Variants in HIBCH observed in about 807,000 individuals in gnomAD.
HIBCH encodes 3-hydroxyisobutyryl-CoA hydrolase, mitochondrial.
In HIBCH, 50 loss-of-function variants were observed where a neutral mutation model predicts 58.2. The observed-to-expected ratio is 0.86, with a 90% CI of 0.68 to 1.09. HIBCH has a LOEUF of 1.09. Among genes scored for constraint, HIBCH ranks in the 50% least tolerant of loss-of-function variants. The pLI, the probability that HIBCH is intolerant of heterozygous loss-of-function variation, is 0.00. For missense variants in HIBCH, 450 were observed against 449.7 expected (o/e 1.00, Z -0.01); for synonymous variants, 151 against 146.9 (o/e 1.03, Z -0.20).
At position 190,244,744 on chromosome 2, in the gene HIBCH, AAGC is replaced by A; in HGVS notation, c.891+140_891+142del. 8.1e-6 allele frequency: 6 copies of A among 744,866 alleles called. 1 individual carries two copies. Among genetic ancestry groups the A allele is most frequent in the South Asian group, 7.3e-5 (5 of 68,954 alleles). 46.1% of individuals were successfully genotyped at this position (744,866 alleles called of 1,614,324 possible). ...TCAGGGTTAGTGGAACTGATTTCTGAAGCTCACCTAAATTTGGGAAAAAAGAAA... is the reference window on the plus strand; with the variant it reads ...TCAGGGTTAGTGGAACTGATTTCTGATCACCTAAATTTGGGAAAAAAGAAA... On this transcript the variant is annotated intron_variant, in intron 11 of 13. Transcript: ENST00000359678.
chr2:190,199,886 C>T (rs747355203), downstream of HIBCH: 1 of 1,613,846 alleles, frequency 6.2e-7, no homozygotes, highest in South Asian at 1.1e-5. Context: ...TCAAAGCAAA[C>T]TTTCCCATTT....
Position 190,211,505 on chromosome 2 carries a change from A to G in HIBCH, c.1011+1451T>C, listed in dbSNP as rs1410704460. Among the ~76,000 whole-genome samples, 1 of 152,168 alleles carries G rather than the reference A, an allele frequency of 6.6e-6. No homozygotes were observed. Among genetic ancestry groups the G allele is most frequent in the African/African-American group, 2.4e-5 (1 of 41,442 alleles). On this transcript the variant is annotated intron_variant, in intron 12 of 13. Transcript: ENST00000359678. The surrounding 1 kb of genome is among the most constrained non-coding windows in gnomAD (Gnocchi z 5.0). ...TTCCTTCTTAAAGCAAATTGAACCGAATGAAATGAAAAATCAAATCACCTC... is the reference window on the plus strand; with the variant it reads ...TTCCTTCTTAAAGCAAATTGAACCGGATGAAATGAAAAATCAAATCACCTC...
intron 11 of HIBCH, among the ~76,000 whole-genome samples, chr2:190,235,017 C>T (rs1187140654): frequency 3.3e-5 from 5 of 152,122 alleles, no homozygotes; most frequent in Non-Finnish European, 5.9e-5. Context: ...ACTGTTACTA[C>T]TTGAGACTGT....
rs139398504 is a variant in HIBCH at position 190,298,225 on chromosome 2, T to C, written c.79-1272A>G. Among the ~76,000 whole-genome samples the C allele has an allele frequency of 4.1e-4, 63 of 152,302 alleles. 1 individual carries two copies. The East Asian group carries it at 0.011, about 27-fold the overall frequency. ...GTGCTGCAATAAACATATGTGTACA[T>C]GTGCCTTTCTAGTAGAATGACTTAC... is the stretch of plus-strand genomic sequence containing the variant. On this transcript the variant is annotated intron_variant, in intron 2 of 13. Coordinates refer to ENST00000359678, the MANE Select transcript of HIBCH (RefSeq NM_014362.4).
chr2:190,265,232 T>C (rs906340309), intron 6 of HIBCH, among the ~76,000 whole-genome samples: 1 of 151,896 alleles, frequency 6.6e-6, no homozygotes, highest in Admixed American at 6.6e-5. Context: ...TAGCTGTATA[T>C]GAGTTTGCTG....
chr2:190,287,706 A>C (rs992971465), intron 5 of HIBCH, 68 bp from the exon 6 acceptor site: 62 of 1,186,318 alleles, frequency 5.2e-5, no homozygotes, highest in East Asian at 7.3e-5. Flanking sequence ...TTAAAAAAAA[A>C]CCCACATTAT....
In HIBCH at chr2:190,241,452, T is replaced by A. The variant is rs182008611; in HGVS notation, c.891+3435A>T. On this transcript the variant is annotated intron_variant, in intron 11 of 13. Coordinates refer to ENST00000359678, the MANE Select transcript of HIBCH (RefSeq NM_014362.4). ...AGTCTGTGTCTTTTAATTGGTGCATTTAGCCCATTTACATTTAAGGTTAAT... is the reference window on the plus strand; with the variant it reads ...AGTCTGTGTCTTTTAATTGGTGCATATAGCCCATTTACATTTAAGGTTAAT... Among the ~76,000 whole-genome samples the A allele has an allele frequency of 1.3e-3, 191 of 152,362 alleles. 1 individual carries two copies. Among genetic ancestry groups the A allele is most frequent in the South Asian group, 8.5e-3 (41 of 4,822 alleles).
intron 7 of HIBCH, among the ~76,000 whole-genome samples, chr2:190,255,652 A>C (rs1371579777): frequency 6.6e-6 from 1 of 152,222 alleles, no homozygotes; most frequent in Non-Finnish European, 1.5e-5. Flanking sequence ...CTCCAACTTC[A>C]TGCCTTGAGT....
rs569222264 is a variant in HIBCH at position 190,296,149 on chromosome 2, G to A, written c.219+664C>T. On this transcript the variant is annotated intron_variant, in intron 3 of 13. Coordinates refer to ENST00000359678, the MANE Select transcript of HIBCH (RefSeq NM_014362.4). ...TAAAAGCAGCTGTCTGGCCGGGTGCGGTGGCTCACGCCTGTAATCCCAGCA... is the reference window on the plus strand; with the variant it reads ...TAAAAGCAGCTGTCTGGCCGGGTGCAGTGGCTCACGCCTGTAATCCCAGCA... Among the ~76,000 whole-genome samples the A allele has an allele frequency of 3.9e-5, 6 of 152,234 alleles. No homozygotes were observed. In the East Asian group the frequency reaches 5.8e-4, roughly 15 times the overall value.
rs762273389 is a variant in HIBCH at position 190,212,955 on chromosome 2, C to G, written c.1011+1G>C. 5 of 1,609,002 alleles carry G rather than the reference C, an allele frequency of 3.1e-6. No homozygotes were observed. The highest frequency in any genetic ancestry group is 4.2e-6 in the Non-Finnish European group (5 of 1,177,488). The stretch of plus-strand genomic sequence containing the variant: ...ATGACATTTTTTTTTTAAATTCTTA[C>G]CATACAAGCTTGACTTAGCCGATAC... On this transcript the variant is annotated splice_donor_variant, in intron 12 of 13. Coordinates refer to ENST00000359678, the MANE Select transcript of HIBCH (RefSeq NM_014362.4). LOFTEE classifies it high-confidence loss of function.
At chr2:190,222,369 T>A (rs1685746005) in intron 11 of HIBCH, among the ~76,000 whole-genome samples, 1 of 151,384 alleles carries the variant, frequency 6.6e-6, no homozygotes, top group African/African-American at 2.4e-5. Context: ...TGCTTCCATA[T>A]GAATTTGTCT....
downstream of HIBCH, chr2:190,199,928 A>G (rs192363325): frequency 1.7e-4 from 277 of 1,614,118 alleles, 3 homozygotes; most frequent in East Asian, 5.5e-3. Flanking sequence ...AAGCAGCATG[A>G]GAGTGAAGAA....
chr2:190,224,790 A>C (rs979705739), intron 11 of HIBCH, among the ~76,000 whole-genome samples: 2 of 152,232 alleles, frequency 1.3e-5, no homozygotes, highest in Admixed American at 1.3e-4. Context: ...TGGACCTAAC[A>C]GACATCTACA....
At chr2:190,259,319 A>ATGTATGTG (rs1553501619) in intron 7 of HIBCH, among the ~76,000 whole-genome samples, 1 of 122,116 alleles carries the variant, frequency 8.2e-6, no homozygotes, top group Non-Finnish European at 1.7e-5. Flanking sequence ...CAGTATACAG[A>ATGTATGTG]TGTGTGTGTG....
chr2:190,272,558 C>T (rs1254065024), intron 6 of HIBCH, among the ~76,000 whole-genome samples: 3 of 152,064 alleles, frequency 2.0e-5, no homozygotes, highest in African/African-American at 7.2e-5. Context: ...GCAAAAGGTG[C>T]CTGCTACTTG....
Position 190,243,462 on chromosome 2 carries a change from C to T in HIBCH, c.891+1425G>A, listed in dbSNP as rs985319244. Among the ~76,000 whole-genome samples the T allele has an allele frequency of 2.0e-5, 3 of 152,174 alleles. No homozygotes were observed. Among genetic ancestry groups the T allele is most frequent in the Admixed American group, 2.0e-4 (3 of 15,272 alleles). ...TCTTTCCCTCTAGAGAACCCTGATA[C>T]ACCAACTTAAAGTCGGATTCCTTGA... On this transcript the variant is annotated intron_variant, in intron 11 of 13. Coordinates refer to ENST00000359678, the MANE Select transcript of HIBCH (RefSeq NM_014362.4). This position sits in a 1 kb window ranked among gnomAD's most constrained non-coding sequence, Gnocchi z 4.1.
chr2:190,231,904 A>C (rs1299120042), intron 11 of HIBCH, among the ~76,000 whole-genome samples: 1 of 152,186 alleles, frequency 6.6e-6, no homozygotes, highest in Non-Finnish European at 1.5e-5. Context: ...AAAACATAAA[A>C]CTTAATTTCA....
chr2:190,282,941 C>T (rs2664251), intron 6 of HIBCH, among the ~76,000 whole-genome samples: 83,951 of 151,364 alleles, frequency 0.55, 24,167 homozygotes, highest in South Asian at 0.61. Flanking sequence ...AGTACAAACA[C>T]CAAATTTAGA....
intron 6 of HIBCH, among the ~76,000 whole-genome samples, chr2:190,278,863 G>T (rs1478281341): frequency 6.6e-6 from 1 of 152,040 alleles, no homozygotes; most frequent in Non-Finnish European, 1.5e-5. Context: ...ATTCTAAAGT[G>T]CCAACAAGGT....
Sources: gnomAD v4.1 joint callset for allele counts (sites outside exome capture counted in the v4.1 genomes callset) on GRCh38, gnomAD v4.1.1 for gene constraint, Gnocchi (gnomAD v3.1) non-coding constraint, MANE v1.5 for transcripts, NCBI Gene and HGNC (gene_info 2026-07-23, HGNC 2026-07-21) for gene names.